Variants in CFAP44 observed in about 807,000 individuals in gnomAD.
The protein encoded by CFAP44 is cilia- and flagella-associated protein 44.
Under a neutral mutation model 216.2 loss-of-function variants are expected in CFAP44, and 134 were observed. That is an observed-to-expected ratio of 0.62 (90% confidence interval 0.54 to 0.72). The LOEUF (loss-of-function observed/expected upper bound fraction) is 0.72, where lower values mean the gene tolerates loss of function less well. Among genes scored for constraint, CFAP44 ranks in the 30% least tolerant of loss-of-function variants. The probability of loss-of-function intolerance (pLI) is 0.00; values close to 1 mark genes in which losing one functional copy is unlikely to be tolerated. For synonymous variants in CFAP44, 700 were observed against 727.6 expected, an observed-to-expected ratio of 0.96 and a Z score of 0.61; for missense variants, 2,035 against 2,182.1, an observed-to-expected ratio of 0.93 and a Z score of 1.34.
chr3:113,398,606 A>C (rs1389559439), intron 13 of CFAP44, among the ~76,000 whole-genome samples: 1 of 152,320 alleles, frequency 6.6e-6, no homozygotes, highest in South Asian at 2.1e-4. Context: ...TAGGTCTGCC[A>C]ATCTAAATGC....
In CFAP44 at chr3:113,305,079, C is replaced by T; in HGVS notation, c.4832G>A (p.Arg1611Gln). ...AATCACAACTAGCAGTTCATTCAGC[C>T]GCTGCTGCTTCTCTCGCTGATAAGC... ...LEAYQREKQQ[R>Q]LNELLVVIPL... Residue 1611 changes from arginine (R) to glutamine (Q), a missense_variant, in exon 31 of 35, where the codon CGG (arginine) becomes CAG (glutamine). By Grantham distance (43) the Arg-to-Gln change is conservative (BLOSUM62 1). Coordinates refer to ENST00000393845, the MANE Select transcript of CFAP44 (RefSeq NM_001164496.2). 5 of 1,537,256 alleles carry T rather than the reference C, an allele frequency of 3.3e-6. No individual in the cohort carries two copies. The highest frequency in any genetic ancestry group is 2.4e-5 in the South Asian group (2 of 84,062).
At chr3:113,346,006 A>T (rs2107823405) in intron 22 of CFAP44, among the ~76,000 whole-genome samples, 1 of 152,228 alleles carries the variant, frequency 6.6e-6, no homozygotes, top group Admixed American at 6.5e-5. Flanking sequence ...TTTCCATGAG[A>T]CCCAGATTAA....
At chr3:113,416,104 T>C (rs1273508937) in intron 6 of CFAP44, among the ~76,000 whole-genome samples, 2 of 152,198 alleles carry the variant, frequency 1.3e-5, no homozygotes, top group African/African-American at 4.8e-5. Context: ...GTTACCATTA[T>C]GTAATGCCCT....
At chr3:113,352,628 C>T (rs1053493258) in intron 22 of CFAP44, among the ~76,000 whole-genome samples, 1 of 151,892 alleles carries the variant, frequency 6.6e-6, no homozygotes, top group Non-Finnish European at 1.5e-5. Context: ...GAATAAAAGG[C>T]AAATATCTGT....
intron 24 of CFAP44, among the ~76,000 whole-genome samples, chr3:113,334,921 C>T (rs1398843367): frequency 2.0e-5 from 3 of 152,114 alleles, no homozygotes; most frequent in African/African-American, 4.8e-5. Context: ...CCAACATGAG[C>T]GTGTACACAT....
chr3:113,324,309 C>A (rs1237436620), intron 28 of CFAP44, among the ~76,000 whole-genome samples: 1 of 151,506 alleles, frequency 6.6e-6, no homozygotes, highest in African/African-American at 2.4e-5. Flanking sequence ...AAAGACAGTA[C>A]CAAAAATGAA....
At chr3:113,397,883 A>G (rs1268020957) in intron 13 of CFAP44, among the ~76,000 whole-genome samples, 1 of 152,154 alleles carries the variant, frequency 6.6e-6, no homozygotes, top group Non-Finnish European at 1.5e-5. Context: ...TTTTGGAAAC[A>G]CGGAGTTCGA....
In CFAP44 at chr3:113,290,518, C is replaced by T. The variant is rs1315622569; in HGVS notation, c.*1039G>A. 1.3e-5 allele frequency: 2 copies of T among 152,148 alleles called. No homozygotes were observed. Among genetic ancestry groups the T allele is most frequent in the Non-Finnish European group, 2.9e-5 (2 of 68,038 alleles). The allele number at this position is 152,148 out of a possible 1,614,324, so 9.4% of individuals were successfully genotyped here. ...CCTGGAACAGCCTCAATGAGTAGCT[C>T]GTTAATACAGAGCTCTTAATCTAAA... On this transcript the variant is annotated 3_prime_UTR_variant, in exon 35 of 35. Coordinates refer to ENST00000393845, the MANE Select transcript of CFAP44 (RefSeq NM_001164496.2).
chr3:113,383,650 T>C (rs962836043), intron 15 of CFAP44, among the ~76,000 whole-genome samples: 3 of 152,030 alleles, frequency 2.0e-5, no homozygotes, highest in Non-Finnish European at 1.5e-5. Flanking sequence ...GAAATACAGG[T>C]CTCTGTGTCG....
At position 113,431,846 on chromosome 3, in the gene CFAP44, T is replaced by C. The variant is rs532637436; in HGVS notation, c.100+1719A>G. On this transcript the variant is annotated intron_variant, in intron 2 of 34. Coordinates refer to ENST00000393845, the MANE Select transcript of CFAP44 (RefSeq NM_001164496.2). Reference sequence around the variant, plus strand: ...CAAATCATATTTAGGATTAGAACCTTAAATAGTCAAGATTCCACTAAGATA... The same window carrying C: ...CAAATCATATTTAGGATTAGAACCTCAAATAGTCAAGATTCCACTAAGATA... 5.9e-5 allele frequency among the ~76,000 whole-genome samples: 9 copies of C among 152,310 alleles called. 2 individuals are homozygous for C. The highest frequency in any genetic ancestry group is 5.2e-4 in the Admixed American group (8 of 15,294).
intron 21 of CFAP44, among the ~76,000 whole-genome samples, chr3:113,362,202 T>C (rs1559923640): frequency 6.6e-6 from 1 of 152,016 alleles, no homozygotes; most frequent in Non-Finnish European, 1.5e-5. Flanking sequence ...AGCTAATCTA[T>C]CAATTTTTGT....
intron 16 of CFAP44, among the ~76,000 whole-genome samples, chr3:113,380,334 A>G (rs1161588206): frequency 6.6e-6 from 1 of 152,092 alleles, no homozygotes; most frequent in East Asian, 1.9e-4. Flanking sequence ...TTATTGATCT[A>G]TTCCTCATTT....
chr3:113,414,660 G>A (rs975878494), intron 6 of CFAP44, among the ~76,000 whole-genome samples: 1 of 152,074 alleles, frequency 6.6e-6, no homozygotes, highest in African/African-American at 2.4e-5. Context: ...GATGGATTAC[G>A]TTTATTGATC....
Position 113,327,566 on chromosome 3 carries a change from T to C in CFAP44, c.4320+50A>G, listed in dbSNP as rs553379543. ...GTTAAGAAGAAAAAGAAATCAAGTT[T>C]CTCCATAACTAAGGGACCAGCCAGC... On this transcript the variant is annotated intron_variant, in intron 27 of 34. Coordinates refer to ENST00000393845, the MANE Select transcript of CFAP44 (RefSeq NM_001164496.2). 3.2e-3 allele frequency: 4,601 copies of C among 1,460,508 alleles called. 18 individuals are homozygous for C. The highest frequency in any genetic ancestry group is 8.9e-3 in the Middle Eastern group (51 of 5,732). 90.5% of individuals were successfully genotyped at this position (1,460,508 alleles called of 1,614,324 possible).
At position 113,323,594 on chromosome 3, in the gene CFAP44, AT is replaced by A. The variant is rs1234001834; in HGVS notation, c.4516+2850del. On this transcript the variant is annotated intron_variant, in intron 28 of 34. Coordinates refer to ENST00000393845, the MANE Select transcript of CFAP44 (RefSeq NM_001164496.2). The stretch of plus-strand genomic sequence containing the variant: ...CGCCTGTATCTAAAATAAAAGCTGA[AT>A]TTTTTTTTAGAAAAAAAGAATGCAA... Among the ~76,000 whole-genome samples, 34 of 151,646 alleles carry A rather than the reference AT, an allele frequency of 2.2e-4. No individual in the cohort carries two copies. In the South Asian group the frequency reaches 6.1e-3, roughly 27 times the overall value.
At chr3:113,300,843 G>T (rs2107789820) in intron 32 of CFAP44, among the ~76,000 whole-genome samples, 1 of 152,222 alleles carries the variant, frequency 6.6e-6, no homozygotes, top group South Asian at 2.1e-4. Context: ...AGTCTAATAA[G>T]ATTATGTATT....
intron 26 of CFAP44, 49 bp from the exon 27 acceptor site, chr3:113,327,868 C>A: frequency 6.8e-7 from 1 of 1,480,688 alleles, no homozygotes; most frequent in Non-Finnish European, 9.1e-7. Context: ...TAGATAAATG[C>A]ATTTTTAAAC....
chr3:113,374,606 C>G (rs926630826), intron 17 of CFAP44, among the ~76,000 whole-genome samples: 38 of 151,954 alleles, frequency 2.5e-4, no homozygotes, highest in African/African-American at 8.5e-4. Context: ...TTCACAATAG[C>G]CAAAAGGTGG....
intron 22 of CFAP44, among the ~76,000 whole-genome samples, chr3:113,346,117 T>C (rs1271362979): frequency 6.6e-6 from 1 of 152,218 alleles, no homozygotes; most frequent in African/African-American, 2.4e-5. Flanking sequence ...CAGTGCTCCG[T>C]GTCTAGCTAA....
Sources: gnomAD v4.1 joint callset for allele counts (sites outside exome capture counted in the v4.1 genomes callset) on GRCh38, gnomAD v4.1.1 for gene constraint, MANE v1.5 for transcripts, NCBI Gene and HGNC (gene_info 2026-07-23, HGNC 2026-07-21) for gene names.